NIPBL: variants seen among roughly 807,000 people sequenced by gnomAD.
NIPBL encodes the protein NIPBL cohesin loading factor.
A neutral mutation model predicts 321.8 loss-of-function variants in NIPBL; 19 were observed. That is an observed-to-expected ratio of 0.06 (90% CI 0.04 to 0.09). The LOEUF (loss-of-function observed/expected upper bound fraction) is 0.09. Ranked by LOEUF, NIPBL falls within the 10% of genes least tolerant of loss-of-function variation. The probability of loss-of-function intolerance (pLI) is 1.00; values close to 1 mark genes in which losing one functional copy is unlikely to be tolerated. For missense variants in NIPBL, 2,210 were observed against 3,327.0 expected, an observed-to-expected ratio of 0.66 and a Z score of 8.26; for synonymous variants, 1,106 against 1,114.1, an observed-to-expected ratio of 0.99 and a Z score of 0.14.
At chr5:36,915,101 ATTAG>A (rs1375094935) in intron 1 of NIPBL, among the ~76,000 whole-genome samples, 1 of 152,030 alleles carries the variant, frequency 6.6e-6, no homozygotes, top group African/African-American at 2.4e-5. Context: ...TGGGCACTTA[ATTAG>A]TTAGACATTT....
At chr5:36,990,318 C>T (rs991433510) in intron 10 of NIPBL, among the ~76,000 whole-genome samples, 2 of 152,146 alleles carry the variant, frequency 1.3e-5, no homozygotes, top group Admixed American at 1.3e-4. Context: ...CAGCTGGTTG[C>T]CTTTTACTTA....
At chr5:37,013,818 G>C (rs1748560021) in intron 21 of NIPBL, among the ~76,000 whole-genome samples, 1 of 152,276 alleles carries the variant, frequency 6.6e-6, no homozygotes, top group Non-Finnish European at 1.5e-5. Context: ...CGGCCGGGCA[G>C]AGGCTGCAAT....
chr5:37,002,898 GTCT>G, intron 15 of NIPBL, 133 bp downstream of exon 15: 1 of 614,418 alleles, frequency 1.6e-6, no homozygotes, highest in South Asian at 2.2e-5. Flanking sequence ...ACTTCTGAGA[GTCT>G]AAATGAGTTT....
At chr5:37,006,098 A>G (rs920859078) in intron 16 of NIPBL, among the ~76,000 whole-genome samples, 1 of 152,154 alleles carries the variant, frequency 6.6e-6, no homozygotes, top group African/African-American at 2.4e-5. Flanking sequence ...CACACAAAGG[A>G]TATAAAGATA....
chr5:36,964,429 A>G (rs1175388368), intron 6 of NIPBL, among the ~76,000 whole-genome samples: 2 of 152,204 alleles, frequency 1.3e-5, no homozygotes, highest in South Asian at 2.1e-4. Flanking sequence ...GAGAATCCAG[A>G]TATAAATACA....
At chr5:37,027,860 C>G (rs1395829266) in intron 32 of NIPBL, among the ~76,000 whole-genome samples, 1 of 151,960 alleles carries the variant, frequency 6.6e-6, no homozygotes, top group African/African-American at 2.4e-5. Context: ...CTCAGGTGAC[C>G]TGCGTGCCTC....
Position 37,038,782 on chromosome 5 carries a change from T to G in NIPBL, c.6108+44T>G, listed in dbSNP as rs760886326. 4.4e-6 allele frequency: 7 copies of G among 1,594,756 alleles called. No homozygotes were observed. The South Asian group carries it at 6.7e-5, about 15-fold the overall frequency. On this transcript the variant is annotated intron_variant, in intron 34 of 46. Coordinates refer to ENST00000282516, the MANE Select transcript of NIPBL (RefSeq NM_133433.4). ...TATTCTTGTATCTTACATAAAACAT[T>G]AAGTGCTTTAAATTTAGAGTTCACA...
At chr5:36,948,888 T>C (rs1735718971) in intron 1 of NIPBL, among the ~76,000 whole-genome samples, 1 of 151,838 alleles carries the variant, frequency 6.6e-6, no homozygotes, top group South Asian at 2.1e-4. Context: ...TGTCACATGG[T>C]GTAGTATACT....
At chr5:37,040,604 T>A (rs192849048) in intron 34 of NIPBL, among the ~76,000 whole-genome samples, 23 of 152,342 alleles carry the variant, frequency 1.5e-4, no homozygotes, top group Admixed American at 1.3e-3. Flanking sequence ...TTTCCCTATT[T>A]GGCAGGTGTT....
chr5:36,938,746 G>A (rs188431034), intron 1 of NIPBL, among the ~76,000 whole-genome samples: 2 of 152,154 alleles, frequency 1.3e-5, no homozygotes, highest in African/African-American at 2.4e-5. Flanking sequence ...CAAGGAGGTC[G>A]TCACCCAGCT....
chr5:37,007,593 GTATGT>G (rs1167996736), intron 18 of NIPBL, 119 bp downstream of exon 18: 8 of 689,330 alleles, frequency 1.2e-5, no homozygotes, highest in South Asian at 2.0e-5. Flanking sequence ...CCTGTTAAGA[GTATGT>G]TATATCTAAA....
chr5:37,003,446 T>A, intron 16 of NIPBL, 99 bp downstream of exon 16: 3 of 722,730 alleles, frequency 4.2e-6, no homozygotes, highest in Non-Finnish European at 7.4e-6. Context: ...TTTTCTCAGT[T>A]ACCTACAGTC....
At chr5:36,893,490 ATT>A (rs546449629) in intron 1 of NIPBL, among the ~76,000 whole-genome samples, 1 of 147,918 alleles carries the variant, frequency 6.8e-6, no homozygotes, top group African/African-American at 2.5e-5. Context: ...TCACCTAGGG[ATT>A]TTTTTTTTTC....
chr5:37,020,163 A>G (rs1749464295), intron 25 of NIPBL, among the ~76,000 whole-genome samples: 1 of 152,186 alleles, frequency 6.6e-6, no homozygotes, highest in South Asian at 2.1e-4. Context: ...CTTTGTCATG[A>G]TGTTGTCCTT....
chr5:36,944,214 A>T (rs906073936), intron 1 of NIPBL, among the ~76,000 whole-genome samples: 2 of 151,920 alleles, frequency 1.3e-5, no homozygotes, highest in African/African-American at 4.8e-5. Flanking sequence ...TATGTGGAAA[A>T]ATTGATGATG....
chr5:36,987,211 A>G (rs1744923640), intron 10 of NIPBL, among the ~76,000 whole-genome samples: 1 of 152,186 alleles, frequency 6.6e-6, no homozygotes, highest in African/African-American at 2.4e-5. Flanking sequence ...AGTGAAGGCA[A>G]TAGAACTGAG....
At position 36,976,170 on chromosome 5, in the gene NIPBL, G is replaced by T; in HGVS notation, c.1263G>T (p.Ser421=). ...CACTAAATGCTGCTCAATGTTTGTC[G>T]CAGCAAGAACAAACAGCATTCCTTC... is the stretch of plus-strand genomic sequence containing the variant. The part of the protein sequence containing the change: ...NRPLNAAQCL[S]QQEQTAFLPA... Residue 421 remains serine (S), a synonymous_variant, in exon 9 of 47, where the codon TCG becomes TCT. Transcript: ENST00000282516. 2 of 1,612,600 alleles carry T rather than the reference G, an allele frequency of 1.2e-6. No homozygotes were observed. The highest frequency in any genetic ancestry group is 2.2e-5 in the South Asian group (2 of 90,906).
At position 36,985,657 on chromosome 5, in the gene NIPBL, A is replaced by G. The variant is rs1744694599; in HGVS notation, c.2477A>G (p.Asp826Gly). The G allele has an allele frequency of 2.5e-6, 4 of 1,614,004 alleles. No homozygotes were observed. In the East Asian group the frequency reaches 6.7e-5, roughly 27 times the overall value. Residue 826 changes from aspartate to glycine, a missense_variant, in exon 10 of 47, where the codon GAC becomes GGC. This residue lies in a region of NIPBL where 588 missense variants were observed against 564.1 expected (regional missense o/e 1.04). Coordinates refer to ENST00000282516, the MANE Select transcript of NIPBL (RefSeq NM_133433.4). Reference protein sequence around the residue: ...RDHDNKQKSDDRGESERHRGD... With the variant: ...RDHDNKQKSDGRGESERHRGD... The stretch of plus-strand genomic sequence containing the variant: ...CATGATAATAAACAAAAATCAGATG[A>G]CAGGGGTGAATCAGAGCGACATCGA...
At chr5:37,026,368 A>G in intron 31 of NIPBL, 41 bp downstream of exon 31, 1 of 1,172,986 alleles carries the variant, frequency 8.5e-7, no homozygotes, top group Non-Finnish European at 1.3e-6. Context: ...CTGTTGATCC[A>G]GACCTAATTG....
Sources: allele counts gnomAD v4.1 joint callset (sites outside exome capture counted in the v4.1 genomes callset), GRCh38; gene constraint gnomAD v4.1.1; regional missense constraint gnomAD v4.1.1; transcripts MANE v1.5; gene names NCBI Gene and HGNC (gene_info 2026-07-23, HGNC 2026-07-21).